The following MAD1L1 variants were observed in gnomAD, a reference collection of about 807,000 sequenced individuals.
MAD1L1 encodes the protein mitotic spindle assembly checkpoint protein MAD1.
In MAD1L1, 95 loss-of-function variants were observed where a neutral mutation model predicts 96.9. The ratio of observed to expected loss-of-function variants is 0.98; its 90% CI spans 0.83 to 1.16. MAD1L1 has a LOEUF of 1.16. Ranked by LOEUF, MAD1L1 falls within the 50% of genes most tolerant of loss-of-function variation. The pLI is 0.00. For missense variants in MAD1L1, 1,007 were observed against 954.4 expected (o/e 1.06, Z -0.73); for synonymous variants, 473 against 396.6 (o/e 1.19, Z -2.29).
intron 18 of MAD1L1, among the ~76,000 whole-genome samples, chr7:1,843,480 T>C (rs1783400195): frequency 6.6e-6 from 1 of 152,164 alleles, no homozygotes; most frequent in Admixed American, 6.5e-5. Context: ...CGTCCACAAG[T>C]GGGCAGCTTT....
chr7:1,941,651 C>T (rs185863840), intron 16 of MAD1L1, among the ~76,000 whole-genome samples: 24 of 152,232 alleles, frequency 1.6e-4, no homozygotes, highest in African/African-American at 4.8e-4. Context: ...CCTGCTCTCC[C>T]GGAGCCACAG....
intron 14 of MAD1L1, among the ~76,000 whole-genome samples, chr7:1,987,930 C>T (rs965580665): frequency 1.4e-4 from 21 of 152,300 alleles, no homozygotes; most frequent in African/African-American, 4.8e-4. Context: ...TCTGAAGCTC[C>T]GATCTCTGGG....
rs146605514 is a variant in MAD1L1, at chr7:2,000,834, G to T, written c.1416+1231C>A. ...CCCACCTGGCCTTGGTCCTGCAGATGCCAGCTCTGCCCAGACCCGCGCGGT... is the reference window on the plus strand; with the variant it reads ...CCCACCTGGCCTTGGTCCTGCAGATTCCAGCTCTGCCCAGACCCGCGCGGT... On this transcript the variant is annotated intron_variant, in intron 14 of 18. Coordinates refer to ENST00000265854, the MANE Select transcript of MAD1L1 (RefSeq NM_001013836.2). Among the ~76,000 whole-genome samples the T allele has an allele frequency of 8.5e-5, 13 of 152,348 alleles. No individual in the cohort carries two copies. The East Asian group carries it at 2.3e-3, about 27-fold the overall frequency.
chr7:2,181,642 G>A (rs1366541127), intron 10 of MAD1L1, among the ~76,000 whole-genome samples: 1 of 152,178 alleles, frequency 6.6e-6, no homozygotes, highest in African/African-American at 2.4e-5. Flanking sequence ...ATTCCTTCGA[G>A]AACTGAAAGT....
At chr7:2,162,692 T>A in intron 10 of MAD1L1, among the ~76,000 whole-genome samples, 1 of 132,904 alleles carries the variant, frequency 7.5e-6, no homozygotes, top group Admixed American at 7.5e-5. Flanking sequence ...TAAAGTTATC[T>A]ATAATCCACC....
rs951584775 is a variant in MAD1L1 at position 2,114,069 on chromosome 7, C to T, written c.1073+35083G>A. Among the ~76,000 whole-genome samples the T allele has an allele frequency of 6.6e-6, 1 of 152,186 alleles. No individual in the cohort carries two copies. The highest frequency in any genetic ancestry group is 2.4e-5 in the African/African-American group (1 of 41,438). On this transcript the variant is annotated intron_variant, in intron 11 of 18. Coordinates refer to ENST00000265854, the MANE Select transcript of MAD1L1 (RefSeq NM_001013836.2). The surrounding 1 kb of genome is among the most constrained non-coding windows in gnomAD (Gnocchi z 4.2). The stretch of plus-strand genomic sequence containing the variant: ...GGACCCGCGCCTGCTGCACCCAGGC[C>T]TTACAGCTTCTGATAACTGTACACG...
At chr7:1,820,851 G>A (rs1782084083) in intron 18 of MAD1L1, among the ~76,000 whole-genome samples, 1 of 152,086 alleles carries the variant, frequency 6.6e-6, no homozygotes, top group Admixed American at 6.5e-5. Flanking sequence ...GGAGGCCGAG[G>A]TGGGCGGATC....
chr7:1,934,125 T>C (rs1436885463), intron 17 of MAD1L1, among the ~76,000 whole-genome samples: 1 of 152,228 alleles, frequency 6.6e-6, no homozygotes, highest in Non-Finnish European at 1.5e-5. Context: ...CACTGGGGCC[T>C]GGACGCCCGA....
intron 18 of MAD1L1, among the ~76,000 whole-genome samples, chr7:1,886,975 G>A (rs1478900767): frequency 6.6e-6 from 1 of 152,284 alleles, no homozygotes; most frequent in African/African-American, 2.4e-5. Flanking sequence ...GAAGGCTTCA[G>A]GGCTGTCAGT....
At chr7:1,871,169 CGCGCTGAACCCAACAT>C (rs1785066243) in intron 18 of MAD1L1, among the ~76,000 whole-genome samples, 1 of 143,956 alleles carries the variant, frequency 6.9e-6, no homozygotes, top group Non-Finnish European at 1.5e-5. Flanking sequence ...TAACACCTGC[CGCGCTGAACCCAACAT>C]ACGCCTGCCA....
At chr7:2,153,905 C>A (rs1309845995) in intron 10 of MAD1L1, among the ~76,000 whole-genome samples, 1 of 152,208 alleles carries the variant, frequency 6.6e-6, no homozygotes, top group Non-Finnish European at 1.5e-5. Context: ...CGCCTGTAAT[C>A]CCACCGCTTT....
intron 11 of MAD1L1, among the ~76,000 whole-genome samples, chr7:2,084,723 C>G (rs1562671490): frequency 6.6e-6 from 1 of 152,168 alleles, no homozygotes; most frequent in Admixed American, 6.5e-5. Flanking sequence ...TCTCCTGGAA[C>G]GTCCTGATGT....
At chr7:1,904,702 GC>G (rs1787510379) in intron 17 of MAD1L1, among the ~76,000 whole-genome samples, 1 of 130,546 alleles carries the variant, frequency 7.7e-6, no homozygotes, top group Non-Finnish European at 1.6e-5. Context: ...GGACGCAGTG[GC>G]CTATGGAAGA....
rs202115975 is a variant in MAD1L1, at chr7:1,898,232, C to T, written c.1966G>A (p.Ala656Thr). The T allele has an allele frequency of 3.1e-6, 5 of 1,613,460 alleles. No homozygotes were observed. In the African/African-American group the frequency reaches 4.0e-5, roughly 13 times the overall value. ...ENQYRLTSLYAEHPGDCLIFK... is the reference protein window; with the variant it reads ...ENQYRLTSLYTEHPGDCLIFK... ...ATGAGGCAGTCGCCTGGGTGCTCGGCGTACAGCGAGGTCAGCCGGTACTGG... is the reference window on the plus strand; with the variant it reads ...ATGAGGCAGTCGCCTGGGTGCTCGGTGTACAGCGAGGTCAGCCGGTACTGG... Residue 656 changes from alanine (A) to threonine (T), a missense_variant, in exon 18 of 19, where the codon GCC (alanine) becomes ACC (threonine). Coordinates refer to ENST00000265854, the MANE Select transcript of MAD1L1 (RefSeq NM_001013836.2).
At position 2,041,565 on chromosome 7, in the gene MAD1L1, G is replaced by A. The variant is rs569566143; in HGVS notation, c.1219-26923C>T. ...AGTCACATCTGCACAAACCTGAAAG[G>A]AGCTCAGCTCTGTCCCCTGCTGTCA... On this transcript the variant is annotated intron_variant, in intron 12 of 18. Coordinates refer to ENST00000265854, the MANE Select transcript of MAD1L1 (RefSeq NM_001013836.2). Among the ~76,000 whole-genome samples the A allele has an allele frequency of 3.3e-5, 5 of 152,264 alleles. No homozygotes were observed. The South Asian group carries it at 1.0e-3, about 32-fold the overall frequency.
chr7:1,856,446 G>A (rs1253186171), intron 18 of MAD1L1, among the ~76,000 whole-genome samples: 1 of 152,238 alleles, frequency 6.6e-6, no homozygotes, highest in African/African-American at 2.4e-5. Context: ...GATGGGAAGG[G>A]GGAACCAGCG....
At chr7:2,029,124 C>T (rs1184116388) in intron 12 of MAD1L1, among the ~76,000 whole-genome samples, 1 of 152,150 alleles carries the variant, frequency 6.6e-6, no homozygotes, top group Non-Finnish European at 1.5e-5. Flanking sequence ...AAAGCTGCTA[C>T]AGAATGAGAG....
At chr7:1,998,319 A>T (rs917931183) in intron 14 of MAD1L1, among the ~76,000 whole-genome samples, 1 of 152,234 alleles carries the variant, frequency 6.6e-6, no homozygotes, top group Non-Finnish European at 1.5e-5. Context: ...GCCCGGGTCA[A>T]GATGCCAGCT....
chr7:1,923,917 G>A (rs1788946085), intron 17 of MAD1L1, among the ~76,000 whole-genome samples: 1 of 152,250 alleles, frequency 6.6e-6, no homozygotes, highest in African/African-American at 2.4e-5. Flanking sequence ...GGGAAACTCG[G>A]CAAAGAGCCT....
Sources: allele counts gnomAD v4.1 joint callset (sites outside exome capture counted in the v4.1 genomes callset), GRCh38; gene constraint gnomAD v4.1.1; non-coding constraint Gnocchi (gnomAD v3.1); transcripts MANE v1.5; gene names NCBI Gene and HGNC (gene_info 2026-07-23, HGNC 2026-07-21).